NRG2: variants seen among roughly 807,000 people sequenced by gnomAD.
NRG2 encodes the protein neuregulin 2, also known as pro-neuregulin-2, membrane-bound isoform.
Under a neutral mutation model 73.9 loss-of-function variants are expected in NRG2, and 27 were observed. The observed-to-expected ratio is 0.37, with a 90% CI of 0.27 to 0.50. NRG2 has a LOEUF of 0.50. NRG2 is among the 20% of genes least tolerant of loss of function. The pLI is 0.96. For synonymous variants in NRG2, 532 were observed against 541.0 expected (o/e 0.98, Z 0.23); for missense variants, 1,126 against 1,210.1 (o/e 0.93, Z 1.03).
At position 139,856,712 on chromosome 5, in the gene NRG2, C is replaced by A. The variant is rs1262714569; in HGVS notation, c.1190-934G>T. Among the ~76,000 whole-genome samples the A allele has an allele frequency of 1.3e-5, 2 of 152,148 alleles. No individual in the cohort carries two copies. Among genetic ancestry groups the A allele is most frequent in the Non-Finnish European group, 2.9e-5 (2 of 68,020 alleles). Reference sequence around the variant, plus strand: ...CAAAGGTGTACACACCAGGAAACACCCAGGGCTACAAACCCTCCAGACACA... The same window carrying A: ...CAAAGGTGTACACACCAGGAAACACACAGGGCTACAAACCCTCCAGACACA... On this transcript the variant is annotated intron_variant, in intron 5 of 9. Transcript: ENST00000361474. This position sits in a 1 kb window ranked among gnomAD's most constrained non-coding sequence, Gnocchi z 4.2.
intron 1 of NRG2, among the ~76,000 whole-genome samples, chr5:139,927,922 A>T (rs577462456): frequency 1.2e-4 from 19 of 152,218 alleles, no homozygotes; most frequent in Non-Finnish European, 2.2e-4. Context: ...TCACAACTTT[A>T]TCTACCTCCC....
At chr5:139,951,345 C>T (rs1472662006) in intron 1 of NRG2, among the ~76,000 whole-genome samples, 1 of 152,188 alleles carries the variant, frequency 6.6e-6, no homozygotes, top group Admixed American at 6.5e-5. Flanking sequence ...TGAGGCCTTT[C>T]ATTGTTCCTG....
rs116880263 is a variant in NRG2 at position 139,990,469 on chromosome 5, C to A, written c.700+51901G>T. Among the ~76,000 whole-genome samples, 428 of 152,096 alleles carry A rather than the reference C, an allele frequency of 2.8e-3. 1 individual carries two copies. The highest frequency in any genetic ancestry group is 4.7e-3 in the Non-Finnish European group (317 of 67,976). ...TATAGGTGCACACCACTACATCAAG[C>A]TAATTTTTGTATTTTTAGTAGAGAT... On this transcript the variant is annotated intron_variant, in intron 1 of 9. Transcript: ENST00000361474.
chr5:139,848,718 A>T (rs769747029), intron 9 of NRG2, 21 bp from the exon 10 acceptor site: 2 of 1,193,138 alleles, frequency 1.7e-6, no homozygotes, highest in African/African-American at 1.9e-5. Context: ...AGGCAGAGGC[A>T]TGGGCCAGGG....
At position 139,848,487 on chromosome 5, in the gene NRG2, CCCGGGT is replaced by C. The variant is rs200668592; in HGVS notation, c.1977_1982del (p.Pro666_Gly667del). 108,546 of 1,349,046 alleles carry C rather than the reference CCCGGGT, an allele frequency of 0.08. 5,734 individuals are homozygous for C. Among genetic ancestry groups the C allele is most frequent in the African/African-American group, 0.25 (15,918 of 63,092 alleles). The allele number at this position is 1,349,046 out of a possible 1,614,324, so 83.6% of individuals were successfully genotyped here. On this transcript the variant is annotated inframe_deletion, in exon 10 of 10. Transcript: ENST00000361474. ...TGTCTGCGCCGGGCCCGGGCCCGGG[CCCGGGT>C]CCGGGTCCCGGGCCGGGGGGCGCCG...
intron 1 of NRG2, among the ~76,000 whole-genome samples, chr5:140,006,310 G>A (rs1758896110): frequency 6.6e-6 from 1 of 152,166 alleles, no homozygotes; most frequent in Non-Finnish European, 1.5e-5. Flanking sequence ...AAGCTTTTAA[G>A]TACAGATTGC....
intron 1 of NRG2, among the ~76,000 whole-genome samples, chr5:140,016,512 G>A (rs115606646): frequency 2.1e-4 from 32 of 152,286 alleles, no homozygotes; most frequent in African/African-American, 4.1e-4. Context: ...TGTCAACTAC[G>A]TGCCAGGCAT....
In NRG2 at chr5:139,861,332, G is replaced by A. The variant is rs574191320; in HGVS notation, c.1189+4217C>T. On this transcript the variant is annotated intron_variant, in intron 5 of 9. Coordinates refer to ENST00000361474, the MANE Select transcript of NRG2 (RefSeq NM_004883.3). ...ATCTGCCTTGGAGGAAGGCGAGCAC[G>A]TGGCAATCCGCAGGAAGTCCTGCGC... 1.3e-4 allele frequency among the ~76,000 whole-genome samples: 20 copies of A among 152,278 alleles called. No individual in the cohort carries two copies. The South Asian group carries it at 3.5e-3, about 27-fold the overall frequency.
At chr5:140,040,455 T>C (rs768618590) in intron 1 of NRG2, among the ~76,000 whole-genome samples, 1 of 152,120 alleles carries the variant, frequency 6.6e-6, no homozygotes, top group African/African-American at 2.4e-5. Context: ...GAATACCCAC[T>C]AGAACAAACA....
intron 1 of NRG2, among the ~76,000 whole-genome samples, chr5:139,996,601 C>T: frequency 6.6e-6 from 1 of 152,182 alleles, no homozygotes; most frequent in Non-Finnish European, 1.5e-5. Context: ...AAGAAGGCTT[C>T]TCTTAACCAG....
chr5:139,995,415 T>TA (rs1383638282), intron 1 of NRG2, among the ~76,000 whole-genome samples: 6 of 150,916 alleles, frequency 4.0e-5, no homozygotes, highest in South Asian at 2.1e-4. Context: ...AAAGTGGATT[T>TA]AAAAAAAAAT....
At chr5:139,886,049 A>G (rs771128952) in intron 2 of NRG2, among the ~76,000 whole-genome samples, 2 of 152,128 alleles carry the variant, frequency 1.3e-5, no homozygotes, top group Non-Finnish European at 2.9e-5. Flanking sequence ...AATGCTGTAG[A>G]CAAGGGACAT....
At chr5:139,906,171 C>T (rs1655535187) in intron 1 of NRG2, among the ~76,000 whole-genome samples, 1 of 152,112 alleles carries the variant, frequency 6.6e-6, no homozygotes, top group African/African-American at 2.4e-5. Flanking sequence ...CCATGCCCAG[C>T]TACTTTTTGT....
chr5:140,004,289 G>C (rs1254550676), intron 1 of NRG2, among the ~76,000 whole-genome samples: 1 of 152,210 alleles, frequency 6.6e-6, no homozygotes, highest in East Asian at 1.9e-4. Context: ...AAGGTACTTG[G>C]GCAGAGGAAA....
chr5:139,848,541 C>G lies in NRG2; in HGVS notation c.1929G>C (p.Glu643Asp), dbSNP rs1183006840. The G allele has an allele frequency of 6.7e-7, 1 of 1,487,766 alleles. No homozygotes were observed. The highest frequency in any genetic ancestry group is 8.8e-7 in the Non-Finnish European group (1 of 1,130,280). 92.2% of individuals were successfully genotyped at this position (1,487,766 alleles called of 1,614,324 possible). ...PAAPISYRLA[E>D]QQPLLRHPAP... is the part of the protein sequence containing the mutation. ...CCGGGTGCCGCAGTAACGGCTGCTG[C>G]TCGGCCAGGCGGTAACTGATGGGCG... The change falls in exon 10 of 10, where the codon GAG becomes GAC. Residue 643 changes from glutamate (E) to aspartate (D), a missense_variant. Coordinates refer to ENST00000361474, the MANE Select transcript of NRG2 (RefSeq NM_004883.3).
intron 1 of NRG2, among the ~76,000 whole-genome samples, chr5:139,965,589 G>T (rs1755445464): frequency 6.6e-6 from 1 of 152,250 alleles, no homozygotes; most frequent in African/African-American, 2.4e-5. Flanking sequence ...CACCCAATCA[G>T]GCCCCTGGAC....
chr5:139,978,888 T>C (rs1384627320), intron 1 of NRG2, among the ~76,000 whole-genome samples: 2 of 151,830 alleles, frequency 1.3e-5, no homozygotes, highest in Admixed American at 6.6e-5. Context: ...ATATACACCA[T>C]GGAATACTAT....
rs990589951 is a variant in NRG2 at position 139,888,660 on chromosome 5, C to T, written c.701-1149G>A. Reference sequence around the variant, plus strand: ...ACAGGGGTCCCCTCATTGAACTTCACCCTGAGCTGCTGCATATACGCAGGG... The same window carrying T: ...ACAGGGGTCCCCTCATTGAACTTCATCCTGAGCTGCTGCATATACGCAGGG... On this transcript the variant is annotated intron_variant, in intron 1 of 9. Transcript: ENST00000361474. 2.0e-5 allele frequency among the ~76,000 whole-genome samples: 3 copies of T among 152,260 alleles called. No individual in the cohort carries two copies. The South Asian group carries it at 6.2e-4, about 32-fold the overall frequency.
In NRG2 at chr5:140,004,236, TCTCTA is replaced by T. The variant is rs560734493; in HGVS notation, c.700+38129_700+38133del. 2.4e-3 allele frequency among the ~76,000 whole-genome samples: 364 copies of T among 152,324 alleles called. 2 individuals are homozygous for T. Among genetic ancestry groups the T allele is most frequent in the Middle Eastern group, 3.4e-3 (1 of 294 alleles). Reference sequence around the variant, plus strand: ...GAATGATATGTCTTATTAAGATTATTCTCTACTCTACCAATACAGTATTCTACAAT... The same window carrying T: ...GAATGATATGTCTTATTAAGATTATTCTCTACCAATACAGTATTCTACAAT... On this transcript the variant is annotated intron_variant, in intron 1 of 9. Transcript: ENST00000361474.
Sources: gnomAD v4.1 joint callset for allele counts (sites outside exome capture counted in the v4.1 genomes callset) on GRCh38, gnomAD v4.1.1 for gene constraint, Gnocchi (gnomAD v3.1) non-coding constraint, MANE v1.5 for transcripts, NCBI Gene and HGNC (gene_info 2026-07-23, HGNC 2026-07-21) for gene names.